SV2B: variants seen among roughly 807,000 people sequenced by gnomAD.
SV2B encodes the protein solute carrier family 22 member B2.
Under a neutral mutation model 73.9 loss-of-function variants are expected in SV2B, and 41 were observed. The observed-to-expected ratio is 0.56, with a 90% CI of 0.43 to 0.72. The LOEUF is 0.72. Among genes scored for constraint, SV2B ranks in the 30% least tolerant of loss-of-function variants. SV2B has a pLI of 0.00. For synonymous variants in SV2B, 314 were observed against 314.2 expected (o/e 1.00, Z 0.01); for missense variants, 764 against 857.8 (o/e 0.89, Z 1.37).
chr15:91,216,008 C>G (rs1160189359), intron 1 of SV2B, among the ~76,000 whole-genome samples: 1 of 152,104 alleles, frequency 6.6e-6, no homozygotes, highest in African/African-American at 2.4e-5. Context: ...AATTGTTTCT[C>G]CCACCTTGAA....
intron 1 of SV2B, among the ~76,000 whole-genome samples, chr15:91,163,957 G>A (rs1335369326): frequency 6.6e-6 from 1 of 152,132 alleles, no homozygotes. Flanking sequence ...GTAAGGAAGG[G>A]ATCCAGTTTC....
intron 10 of SV2B, among the ~76,000 whole-genome samples, chr15:91,282,299 G>T (rs938396197): frequency 6.6e-6 from 1 of 152,168 alleles, no homozygotes; most frequent in South Asian, 2.1e-4. Flanking sequence ...TAAATGGAAA[G>T]GGAAAATTAC....
chr15:91,208,050 T>C (rs1295607216), intron 1 of SV2B, among the ~76,000 whole-genome samples: 1 of 152,188 alleles, frequency 6.6e-6, no homozygotes. Flanking sequence ...CAGAGAGGCC[T>C]TCCTACTTCT....
rs2046788850 is a variant in SV2B at position 91,236,533 on chromosome 15, A to T, written c.451+9819A>T. ...AGTTGGGAGTGGGCTGGAAATATAT[A>T]AAACTCATTCCCTGTACAAGTATAT... On this transcript the variant is annotated intron_variant, in intron 2 of 12. Coordinates refer to ENST00000394232, the MANE Select transcript of SV2B (RefSeq NM_001323032.3). This position sits in a 1 kb window ranked among gnomAD's most constrained non-coding sequence, Gnocchi z 4.1. Among the ~76,000 whole-genome samples, 1 of 152,228 alleles carries T rather than the reference A, an allele frequency of 6.6e-6. No homozygotes were observed. The highest frequency in any genetic ancestry group is 1.5e-5 in the Non-Finnish European group (1 of 68,046).
At chr15:91,166,556 TCTC>T (rs1237568627) in intron 1 of SV2B, among the ~76,000 whole-genome samples, 1 of 151,976 alleles carries the variant, frequency 6.6e-6, no homozygotes, top group Non-Finnish European at 1.5e-5. Context: ...CCTATCTTTT[TCTC>T]CTCCTCTTTA....
chr15:91,143,194 G>C (rs1406301822), intron 1 of SV2B, among the ~76,000 whole-genome samples: 1 of 152,206 alleles, frequency 6.6e-6, no homozygotes, highest in Non-Finnish European at 1.5e-5. Flanking sequence ...ATTTGGATTT[G>C]GATGGGAGGT....
chr15:91,279,220 T>C (rs2048603421), intron 9 of SV2B, among the ~76,000 whole-genome samples: 1 of 152,208 alleles, frequency 6.6e-6, no homozygotes, highest in African/African-American at 2.4e-5. Context: ...TTTTAATGGC[T>C]GGTTTTCTTG....
chr15:91,190,247 G>T (rs74786996), intron 1 of SV2B, among the ~76,000 whole-genome samples: 6,249 of 151,948 alleles, frequency 0.041, 428 homozygotes, highest in African/African-American at 0.14. Flanking sequence ...ATCTACCTTG[G>T]ATTATTACAT....
chr15:91,246,473 G>A (rs1380157705), intron 2 of SV2B, among the ~76,000 whole-genome samples: 4 of 152,154 alleles, frequency 2.6e-5, no homozygotes, highest in Non-Finnish European at 4.4e-5. Context: ...GATGGGCACC[G>A]AATTTTACAA....
At chr15:91,193,819 G>C (rs904753057) in intron 1 of SV2B, among the ~76,000 whole-genome samples, 1 of 152,142 alleles carries the variant, frequency 6.6e-6, no homozygotes, top group Non-Finnish European at 1.5e-5. Context: ...TATTGTCTCA[G>C]GGACAGCAGT....
intron 1 of SV2B, among the ~76,000 whole-genome samples, chr15:91,200,961 C>T (rs1315574392): frequency 6.6e-6 from 1 of 152,192 alleles, no homozygotes; most frequent in Non-Finnish European, 1.5e-5. Flanking sequence ...TTCTCCATCT[C>T]TTTGTACACA....
rs995270053 is a variant in SV2B, at chr15:91,232,667, A to G, written c.451+5953A>G. On this transcript the variant is annotated intron_variant, in intron 2 of 12. Coordinates refer to ENST00000394232, the MANE Select transcript of SV2B (RefSeq NM_001323032.3). The surrounding 1 kb of genome is among the most constrained non-coding windows in gnomAD (Gnocchi z 4.7). Reference sequence around the variant, plus strand: ...TTAGATTTAAAGAGTTTATTGTTTGAGTGTGACATATTGTTATAGCAGTAG... The same window carrying G: ...TTAGATTTAAAGAGTTTATTGTTTGGGTGTGACATATTGTTATAGCAGTAG... Among the ~76,000 whole-genome samples the G allele has an allele frequency of 1.3e-5, 2 of 152,188 alleles. No homozygotes were observed. Among genetic ancestry groups the G allele is most frequent in the African/African-American group, 4.8e-5 (2 of 41,450 alleles).
Position 91,245,667 on chromosome 15 carries a change from T to C in SV2B, c.452-6152T>C, listed in dbSNP as rs1003037163. Among the ~76,000 whole-genome samples, 6 of 152,202 alleles carry C rather than the reference T, an allele frequency of 3.9e-5. No homozygotes were observed. Among genetic ancestry groups the C allele is most frequent in the Non-Finnish European group, 8.8e-5 (6 of 68,030 alleles). On this transcript the variant is annotated intron_variant, in intron 2 of 12. Coordinates refer to ENST00000394232, the MANE Select transcript of SV2B (RefSeq NM_001323032.3). The surrounding 1 kb of genome is among the most constrained non-coding windows in gnomAD (Gnocchi z 4.2). ...GAACTCTCCTCAAGCAAAATCAACA[T>C]GGTCCCTTCGTCCAGGAGTTTACAG... is the stretch of plus-strand genomic sequence containing the variant.
chr15:91,217,874 G>A (rs866823392), intron 1 of SV2B, among the ~76,000 whole-genome samples: 7 of 152,214 alleles, frequency 4.6e-5, no homozygotes, highest in Admixed American at 1.3e-4. Context: ...GCAGGGATGG[G>A]ACTATGATTC....
upstream of SV2B, chr15:91,100,187 C>G (rs983145816): frequency 1.3e-5 from 2 of 151,974 alleles, no homozygotes; most frequent in Non-Finnish European, 1.5e-5. This position sits in a 1 kb window ranked among gnomAD's most constrained non-coding sequence, Gnocchi z 6.4. Context: ...CTGCGCGCTG[C>G]GCCTGGGCGG....
intron 9 of SV2B, among the ~76,000 whole-genome samples, chr15:91,269,966 T>C (rs1248765370): frequency 6.6e-6 from 1 of 152,198 alleles, no homozygotes; most frequent in Admixed American, 6.5e-5. Flanking sequence ...GGATGGCAGC[T>C]TGTGGTGGTG....
intron 4 of SV2B, among the ~76,000 whole-genome samples, chr15:91,255,466 G>T (rs573437781): frequency 6.6e-6 from 1 of 152,142 alleles, no homozygotes; most frequent in Non-Finnish European, 1.5e-5. Context: ...CTGGGGACTC[G>T]GGGAAAGGGT....
intron 9 of SV2B, among the ~76,000 whole-genome samples, chr15:91,278,848 G>A (rs1297131900): frequency 2.0e-5 from 3 of 151,878 alleles, no homozygotes; most frequent in Non-Finnish European, 4.4e-5. Flanking sequence ...GTGAGAAGCC[G>A]GGGTGCCTGT....
At position 91,231,961 on chromosome 15, in the gene SV2B, T is replaced by C. The variant is rs1730240959; in HGVS notation, c.451+5247T>C. Among the ~76,000 whole-genome samples the C allele has an allele frequency of 6.6e-6, 1 of 152,208 alleles. No homozygotes were observed. Among genetic ancestry groups the C allele is most frequent in the South Asian group, 2.1e-4 (1 of 4,824 alleles). ...GAATAAATTGTGAGCTGAATTTTCA[T>C]AGCAGCTCAGAGATAGATATATTAC... is the stretch of plus-strand genomic sequence containing the variant. On this transcript the variant is annotated intron_variant, in intron 2 of 12. Transcript: ENST00000394232. This position sits in a 1 kb window ranked among gnomAD's most constrained non-coding sequence, Gnocchi z 4.5.
Sources: gnomAD v4.1 joint callset for allele counts (sites outside exome capture counted in the v4.1 genomes callset) on GRCh38, gnomAD v4.1.1 for gene constraint, Gnocchi (gnomAD v3.1) non-coding constraint, MANE v1.5 for transcripts, NCBI Gene and HGNC (gene_info 2026-07-23, HGNC 2026-07-21) for gene names.